The following TAF2 variants were observed in gnomAD, a reference collection of about 807,000 sequenced individuals.
TAF2 encodes transcription initiation factor TFIID subunit 2.
In TAF2, 61 loss-of-function variants were observed where a neutral mutation model predicts 138.5. That is an observed-to-expected ratio of 0.44 (90% confidence interval 0.36 to 0.54). The LOEUF (loss-of-function observed/expected upper bound fraction) is 0.54. Ranked by LOEUF, TAF2 falls within the 20% of genes least tolerant of loss-of-function variation. TAF2 has a pLI of 0.00. For synonymous variants in TAF2, 475 were observed against 469.9 expected (o/e 1.01, Z -0.14); for missense variants, 1,090 against 1,427.9 (o/e 0.76, Z 3.81).
chr8:119,802,026 C>G lies in TAF2; in HGVS notation c.561-1G>C. On this transcript the variant is annotated splice_acceptor_variant, in intron 5 of 25. Coordinates refer to ENST00000378164, the MANE Select transcript of TAF2 (RefSeq NM_003184.4). LOFTEE classifies it high-confidence loss of function. ...TGAATCAACACAAGGGAACCAAAAT[C>G]TAGAAAAAAGATTGACAGTATAGAA... 2.5e-6 allele frequency: 4 copies of G among 1,610,396 alleles called. No individual in the cohort carries two copies. The highest frequency in any genetic ancestry group is 3.4e-6 in the Non-Finnish European group (4 of 1,177,438).
intron 18 of TAF2, among the ~76,000 whole-genome samples, chr8:119,776,049 G>A (rs376832823): frequency 3.3e-5 from 5 of 152,182 alleles, no homozygotes; most frequent in South Asian, 2.1e-4. Flanking sequence ...ATGCATAGAC[G>A]AGCTTACTAC....
In TAF2 at chr8:119,742,624, A is replaced by C. The variant is rs779580209; in HGVS notation, c.3247T>G (p.Ser1083Ala). 3 of 1,613,936 alleles carry C rather than the reference A, an allele frequency of 1.9e-6. No homozygotes were observed. The African/African-American group carries it at 4.0e-5, about 22-fold the overall frequency. The change falls in exon 25 of 26, where the codon TCT (serine) becomes GCT (alanine). Residue 1083 changes from serine (S) to alanine (A), a missense_variant. This residue lies in a region of TAF2 where 580 missense variants were observed against 719.6 expected (regional missense o/e 0.81). Transcript: ENST00000378164. ...LSKYRPASSRSALIPQHSAGC... is the reference protein window; with the variant it reads ...LSKYRPASSRAALIPQHSAGC... ...GCTGAGTGCTGGGGTATTAAAGCAG[A>C]TCGGGAGCTAGCTGGCCGATATTTC...
intron 5 of TAF2, 96 bp downstream of exon 5, chr8:119,803,782 C>A: frequency 8.5e-6 from 10 of 1,175,076 alleles, no homozygotes; most frequent in East Asian, 2.6e-5. Context: ...GGGAATAAAA[C>A]TAGTATTTCT....
intron 8 of TAF2, among the ~76,000 whole-genome samples, chr8:119,796,234 C>T (rs980274214): frequency 6.6e-6 from 1 of 151,966 alleles, no homozygotes; most frequent in South Asian, 2.1e-4. Flanking sequence ...TTTAATGAAA[C>T]TTCTACATGT....
intron 6 of TAF2, 118 bp from the exon 7 acceptor site, chr8:119,797,964 C>G: frequency 1.0e-6 from 1 of 982,874 alleles, no homozygotes; most frequent in Non-Finnish European, 1.5e-6. Context: ...TTAATAATTT[C>G]AAGATGCTGA....
chr8:119,786,441 T>G (rs1246152585), intron 14 of TAF2, among the ~76,000 whole-genome samples: 1 of 152,110 alleles, frequency 6.6e-6, no homozygotes, highest in East Asian at 1.9e-4. Context: ...TACCAAAAAC[T>G]AAAACTTTCA....
At chr8:119,805,872 G>A (rs1276792751) in intron 4 of TAF2, among the ~76,000 whole-genome samples, 1 of 151,102 alleles carries the variant, frequency 6.6e-6, no homozygotes, top group East Asian at 1.9e-4. Context: ...TTACAATTTT[G>A]ACATCGTTAA....
rs773883804 is a variant in TAF2 at position 119,758,056 on chromosome 8, A to G, written c.2768+17T>C. The G allele has an allele frequency of 1.9e-5, 30 of 1,605,694 alleles. No homozygotes were observed. The highest frequency in any genetic ancestry group is 2.3e-5 in the Non-Finnish European group (27 of 1,172,820). On this transcript the variant is annotated intron_variant, in intron 21 of 25. Transcript: ENST00000378164. ...AGGACTTACAAAATATCATAGCATC[A>G]TAGCACATAAACTAACCTTACATAG...
intron 19 of TAF2, among the ~76,000 whole-genome samples, chr8:119,761,292 G>A (rs923220202): frequency 1.3e-5 from 2 of 152,070 alleles, no homozygotes; most frequent in Admixed American, 1.3e-4. Context: ...TATAGCCTAA[G>A]AGCAACAGAG....
intron 3 of TAF2, among the ~76,000 whole-genome samples, chr8:119,818,478 G>A (rs559521772): frequency 1.3e-5 from 2 of 152,198 alleles, no homozygotes; most frequent in East Asian, 1.9e-4. Context: ...AAAAGCAAGT[G>A]CCCTCAACTG....
rs763899455 is a variant in TAF2, at chr8:119,793,462, T to C, written c.1192-11A>G. 1.9e-6 allele frequency: 3 copies of C among 1,603,356 alleles called. No homozygotes were observed. The highest frequency in any genetic ancestry group is 2.7e-5 in the African/African-American group (2 of 74,632). ...TATTTTGTCTAGCTCCTAAAAAATA[T>C]ATAAAAATAGGAGTCAGTAAAATTT... On this transcript the variant is annotated splice_polypyrimidine_tract_variant and intron_variant, in intron 9 of 25. Coordinates refer to ENST00000378164, the MANE Select transcript of TAF2 (RefSeq NM_003184.4).
At chr8:119,803,807 T>C (rs947491921) in intron 5 of TAF2, 71 bp downstream of exon 5, 3 of 1,391,118 alleles carry the variant, frequency 2.2e-6, no homozygotes, top group Non-Finnish European at 9.9e-7. Context: ...TTACACCAAA[T>C]GTATGTCTTG....
At chr8:119,737,476 G>T (rs1490996040) in intron 25 of TAF2, among the ~76,000 whole-genome samples, 3 of 150,322 alleles carry the variant, frequency 2.0e-5, no homozygotes, top group Non-Finnish European at 4.4e-5. Flanking sequence ...CTACTTTACA[G>T]TTCTCTATAA....
intron 18 of TAF2, among the ~76,000 whole-genome samples, chr8:119,763,616 G>C (rs1255871368): frequency 6.6e-6 from 1 of 152,010 alleles, no homozygotes; most frequent in African/African-American, 2.4e-5. Flanking sequence ...TGTAGTCCCA[G>C]CTACTCGGAA....
At chr8:119,782,163 G>C (rs1303528927) in intron 16 of TAF2, among the ~76,000 whole-genome samples, 1 of 152,096 alleles carries the variant, frequency 6.6e-6, no homozygotes, top group Non-Finnish European at 1.5e-5. Flanking sequence ...ACATCATCAT[G>C]AATTTTAAAT....
intron 25 of TAF2, among the ~76,000 whole-genome samples, chr8:119,741,035 T>C (rs1394904272): frequency 6.6e-6 from 1 of 152,082 alleles, no homozygotes; most frequent in Non-Finnish European, 1.5e-5. Flanking sequence ...TCCCCACCAT[T>C]AGGGCTGTGT....
chr8:119,803,196 A>C (rs1824383191), intron 5 of TAF2, among the ~76,000 whole-genome samples: 1 of 152,238 alleles, frequency 6.6e-6, no homozygotes, highest in African/African-American at 2.4e-5. Context: ...GGAGGTCTCT[A>C]TAATCTTGTA....
chr8:119,803,749 T>A (rs564759944), intron 5 of TAF2, 129 bp downstream of exon 5: 1 of 984,148 alleles, frequency 1.0e-6, no homozygotes, highest in Non-Finnish European at 1.5e-6. Flanking sequence ...AGAAAGTAAT[T>A]TGAAAGAAGT....
intron 2 of TAF2, 60 bp from the exon 3 acceptor site, chr8:119,819,566 C>A (rs1304165153): frequency 1.4e-6 from 2 of 1,429,242 alleles, no homozygotes; most frequent in African/African-American, 2.8e-5. Flanking sequence ...GAATATATTT[C>A]TTTTATTTTT....
Sources: gnomAD v4.1 joint callset for allele counts (sites outside exome capture counted in the v4.1 genomes callset) on GRCh38, gnomAD v4.1.1 for gene constraint, gnomAD v4.1.1 regional missense constraint, MANE v1.5 for transcripts, NCBI Gene and HGNC (gene_info 2026-07-23, HGNC 2026-07-21) for gene names.